ERLEC1: variants seen among roughly 807,000 people sequenced by gnomAD.
The protein encoded by ERLEC1 is endoplasmic reticulum lectin 1.
A neutral mutation model predicts 68.0 loss-of-function variants in ERLEC1; 47 were observed. That is an observed-to-expected ratio of 0.69 (90% CI 0.55 to 0.88). The LOEUF (loss-of-function observed/expected upper bound fraction) is 0.88, where lower values mean the gene tolerates loss of function less well. Ranked by LOEUF, ERLEC1 falls within the 40% of genes least tolerant of loss-of-function variation. The pLI is 0.00. For synonymous variants in ERLEC1, 225 were observed against 203.2 expected (o/e 1.11, Z -0.91); for missense variants, 567 against 583.8 (o/e 0.97, Z 0.30).
At chr2:53,789,419 C>CT (rs1553387344) in intron 1 of ERLEC1, among the ~76,000 whole-genome samples, 2 of 141,646 alleles carry the variant, frequency 1.4e-5, no homozygotes, top group African/African-American at 2.6e-5. Flanking sequence ...AAAAAAAATT[C>CT]TTTTTTTAGA....
chr2:53,793,954 A>G (rs1675549475), intron 1 of ERLEC1, among the ~76,000 whole-genome samples: 3 of 152,190 alleles, frequency 2.0e-5, no homozygotes, highest in Admixed American at 6.5e-5. Flanking sequence ...CAAATACCGT[A>G]TGTTTTCATT....
At chr2:53,812,717 A>G (rs894029636) in intron 10 of ERLEC1, among the ~76,000 whole-genome samples, 1 of 152,166 alleles carries the variant, frequency 6.6e-6, no homozygotes, top group Non-Finnish European at 1.5e-5. Flanking sequence ...GAAAATAACT[A>G]CATTTAGAGC....
At position 53,794,433 on chromosome 2, in the gene ERLEC1, T is replaced by G; in HGVS notation, c.251T>G (p.Val84Gly). Reference protein sequence around the residue: ...KEKYKCILPLVTSGDEEEEKD... With the variant: ...KEKYKCILPLGTSGDEEEEKD... Reference sequence around the variant, plus strand: ...AAATATAAATGCATACTTCCCCTTGTGACAAGTGGGGATGAGGTAAGTTTT... The same window carrying G: ...AAATATAAATGCATACTTCCCCTTGGGACAAGTGGGGATGAGGTAAGTTTT... The change falls in exon 2 of 14, where the codon GTG (valine) becomes GGG (glycine). Residue 84 changes from valine (V) to glycine (G), a missense_variant. Coordinates refer to ENST00000185150, the MANE Select transcript of ERLEC1 (RefSeq NM_015701.5). The G allele has an allele frequency of 6.5e-7, 1 of 1,545,402 alleles. No individual in the cohort carries two copies.
At chr2:53,791,736 A>G (rs1188280775) in intron 1 of ERLEC1, among the ~76,000 whole-genome samples, 2 of 151,992 alleles carry the variant, frequency 1.3e-5, no homozygotes, top group Non-Finnish European at 2.9e-5. Context: ...TTCTTTTTAC[A>G]TTTGAAGCAT....
chr2:53,788,266 C>T (rs2692536), intron 1 of ERLEC1, among the ~76,000 whole-genome samples: 82,409 of 152,072 alleles, frequency 0.54, 23,147 homozygotes, highest in African/African-American at 0.69. Context: ...TCTTTCATTA[C>T]CATTTCATTG....
intron 5 of ERLEC1, among the ~76,000 whole-genome samples, 164 bp downstream of exon 5, chr2:53,797,959 G>A (rs556642350): frequency 3.9e-4 from 59 of 152,288 alleles, no homozygotes; most frequent in African/African-American, 1.4e-3. Context: ...CACTTTGGGA[G>A]GCCAAGGCAG....
chr2:53,813,448 C>T (rs1307997093), intron 11 of ERLEC1, among the ~76,000 whole-genome samples: 2 of 152,140 alleles, frequency 1.3e-5, no homozygotes, highest in African/African-American at 2.4e-5. Context: ...TGGGCTGCCA[C>T]CCATAACAGT....
intron 3 of ERLEC1, among the ~76,000 whole-genome samples, chr2:53,797,263 T>C (rs1364372202): frequency 1.3e-5 from 2 of 152,222 alleles, no homozygotes; most frequent in East Asian, 3.8e-4. Flanking sequence ...AAATTGTCCC[T>C]AAGCCAGGTA....
intron 1 of ERLEC1, among the ~76,000 whole-genome samples, chr2:53,790,055 T>C (rs980237332): frequency 5.3e-5 from 8 of 150,738 alleles, no homozygotes; most frequent in Non-Finnish European, 4.4e-5. Flanking sequence ...ACCACTACTC[T>C]CCTCACCTGG....
chr2:53,802,373 C>G (rs1317828093), intron 8 of ERLEC1, among the ~76,000 whole-genome samples: 1 of 152,136 alleles, frequency 6.6e-6, no homozygotes, highest in Non-Finnish European at 1.5e-5. Flanking sequence ...AATTAGAAAC[C>G]TAAGTCTTTT....
At chr2:53,806,594 C>T (rs187504710) in intron 8 of ERLEC1, among the ~76,000 whole-genome samples, 8 of 152,262 alleles carry the variant, frequency 5.3e-5, no homozygotes. Flanking sequence ...AATAAGACAG[C>T]ATCTTGACAG....
chr2:53,802,025 A>G (rs936586362), intron 8 of ERLEC1, among the ~76,000 whole-genome samples, 183 bp downstream of exon 8: 3 of 152,128 alleles, frequency 2.0e-5, no homozygotes, highest in Non-Finnish European at 2.9e-5. Context: ...TACTCAAACT[A>G]TTTTAATATT....
At chr2:53,787,675 T>C in intron 1 of ERLEC1, 1 of 309,692 alleles carries the variant, frequency 3.2e-6, no homozygotes, top group Non-Finnish European at 5.9e-6. Context: ...TAGAATAACG[T>C]CAGGTGCACT....
In ERLEC1 at chr2:53,809,204, T is replaced by C. The variant is rs769992113; in HGVS notation, c.1042-10T>C. The C allele has an allele frequency of 6.3e-7, 1 of 1,578,498 alleles. No individual in the cohort carries two copies. The highest frequency in any genetic ancestry group is 8.6e-7 in the Non-Finnish European group (1 of 1,169,500). Reference sequence around the variant, plus strand: ...CTTAACTTGATCTAATATGTTTTCTTTTTTTTTAGGGTGTCGGTTGGTGGA... The same window carrying C: ...CTTAACTTGATCTAATATGTTTTCTCTTTTTTTAGGGTGTCGGTTGGTGGA... On this transcript the variant is annotated splice_polypyrimidine_tract_variant and intron_variant, in intron 9 of 13. Transcript: ENST00000185150.
At position 53,815,012 on chromosome 2, in the gene ERLEC1, T is replaced by TTTTTG; in HGVS notation, c.1380+82_1380+86dup. On this transcript the variant is annotated intron_variant, in intron 13 of 13. Coordinates refer to ENST00000185150, the MANE Select transcript of ERLEC1 (RefSeq NM_015701.5). ...TTTTTTTTCTTTTTTTTTTTTTTTT[T>TTTTTG]TTTTGTTTTTTTGAGACGGAGTCTT... The TTTTTG allele has an allele frequency of 3.0e-6, 3 of 985,980 alleles. No homozygotes were observed. The South Asian group carries it at 4.8e-5, about 16-fold the overall frequency. The allele number at this position is 985,980 out of a possible 1,614,324, so 61.1% of individuals were successfully genotyped here.
chr2:53,809,212 A>T lies in ERLEC1; in HGVS notation c.1042-2A>T. On this transcript the variant is annotated splice_acceptor_variant, in intron 9 of 13. Transcript: ENST00000185150. LOFTEE classifies it high-confidence loss of function. Reference sequence around the variant, plus strand: ...GATCTAATATGTTTTCTTTTTTTTTAGGGTGTCGGTTGGTGGAAATATGAA... The same window carrying T: ...GATCTAATATGTTTTCTTTTTTTTTTGGGTGTCGGTTGGTGGAAATATGAA... 1.3e-6 allele frequency: 2 copies of T among 1,579,524 alleles called. No homozygotes were observed. The highest frequency in any genetic ancestry group is 1.2e-5 in the South Asian group (1 of 83,424).
intron 10 of ERLEC1, 68 bp from the exon 11 acceptor site, chr2:53,812,881 G>A: frequency 6.5e-7 from 1 of 1,539,618 alleles, no homozygotes; most frequent in South Asian, 1.2e-5. Context: ...AGAAGGTCAG[G>A]TCATCAGCAT....
intron 6 of ERLEC1, among the ~76,000 whole-genome samples, chr2:53,801,110 A>T (rs1269137130): frequency 8.5e-5 from 13 of 152,134 alleles, no homozygotes; most frequent in African/African-American, 3.1e-4. Context: ...CATATTAATC[A>T]TTATTTTGTA....
At chr2:53,796,514 T>C (rs1359645560) in intron 3 of ERLEC1, among the ~76,000 whole-genome samples, 1 of 151,790 alleles carries the variant, frequency 6.6e-6, no homozygotes, top group East Asian at 1.9e-4. Context: ...GGCTAGAGTA[T>C]AGTGGCATGA....
Sources: allele counts gnomAD v4.1 joint callset (sites outside exome capture counted in the v4.1 genomes callset), GRCh38; gene constraint gnomAD v4.1.1; transcripts MANE v1.5; gene names NCBI Gene and HGNC (gene_info 2026-07-23, HGNC 2026-07-21).